CAPN8: variants seen among roughly 807,000 people sequenced by gnomAD.
CAPN8 encodes the protein calpain 8, also known as calpain-8.
A neutral mutation model predicts 80.9 loss-of-function variants in CAPN8; 87 were observed. The ratio of observed to expected loss-of-function variants is 1.07; its 90% CI spans 0.90 to 1.28. The LOEUF (loss-of-function observed/expected upper bound fraction) is 1.28, where lower values mean the gene tolerates loss of function less well. Ranked by LOEUF, CAPN8 falls within the 50% of genes most tolerant of loss-of-function variation. The pLI is 0.00. For missense variants in CAPN8, 757 were observed against 702.0 expected (o/e 1.08, Z -0.89); for synonymous variants, 299 against 273.8 (o/e 1.09, Z -0.91).
chr1:223,653,029 A>T (rs1043491245), intron 2 of CAPN8, among the ~76,000 whole-genome samples: 1 of 151,846 alleles, frequency 6.6e-6, no homozygotes, highest in African/African-American at 2.4e-5. Flanking sequence ...CAAAGTTAAA[A>T]CATCTCCAAC....
intron 2 of CAPN8, among the ~76,000 whole-genome samples, chr1:223,641,380 C>A (rs1033675095): frequency 6.7e-6 from 1 of 148,594 alleles, no homozygotes; most frequent in Non-Finnish European, 1.5e-5. Context: ...AAAAAAAAAA[C>A]TGTTTACTAA....
Position 223,628,080 on chromosome 1 carries a change from T to C in CAPN8, c.489A>G (p.Gly163=). 1 of 1,551,262 alleles carries C rather than the reference T, an allele frequency of 6.4e-7. No homozygotes were observed. Among genetic ancestry groups the C allele is most frequent in the Non-Finnish European group, 8.7e-7 (1 of 1,146,820 alleles). The change falls in exon 4 of 21, where the codon GGA becomes GGG. Residue 163 remains glycine (G), a synonymous_variant. Transcript: ENST00000366872. ...GTTCCGAGTGTAGGAAGAGCAGCTG[T>C]CCATTCTTGGTGGGCAGCCTGTCGT... The part of the protein sequence containing the change: ...VIDDRLPTKN[G]QLLFLHSEQG...
At chr1:223,620,046 A>G in intron 8 of CAPN8, 146 bp downstream of exon 8, 1 of 716,276 alleles carries the variant, frequency 1.4e-6, no homozygotes. Flanking sequence ...AGGTGGAATT[A>G]TACCAGGACA....
chr1:223,627,318 T>G (rs900507513), intron 4 of CAPN8, among the ~76,000 whole-genome samples, 161 bp from the exon 5 acceptor site: 1 of 152,342 alleles, frequency 6.6e-6, no homozygotes, highest in Middle Eastern at 3.4e-3. Flanking sequence ...GGCCACTGTT[T>G]CATGTGCCCA....
At chr1:223,656,806 C>T (rs1241446565) in intron 1 of CAPN8, among the ~76,000 whole-genome samples, 1 of 151,528 alleles carries the variant, frequency 6.6e-6, no homozygotes, top group African/African-American at 2.4e-5. Flanking sequence ...GCCTCAGCCT[C>T]CTGAGTAGCT....
At chr1:223,622,050 C>T (rs1291770940) in intron 7 of CAPN8, among the ~76,000 whole-genome samples, 1 of 152,112 alleles carries the variant, frequency 6.6e-6, no homozygotes, top group Admixed American at 6.5e-5. Flanking sequence ...AAGTGATCCA[C>T]CCGCCTAGGC....
chr1:223,626,515 A>G (rs899152554), intron 5 of CAPN8, among the ~76,000 whole-genome samples: 2 of 152,110 alleles, frequency 1.3e-5, no homozygotes, highest in African/African-American at 4.8e-5. Flanking sequence ...CTGTTTCCAC[A>G]GCCACCTTGG....
intron 2 of CAPN8, among the ~76,000 whole-genome samples, chr1:223,639,146 A>C (rs757353094): frequency 6.6e-6 from 1 of 152,190 alleles, no homozygotes; most frequent in African/African-American, 2.4e-5. Flanking sequence ...AGGCTGAGGC[A>C]GGAGAATTGC....
chr1:223,611,851 C>T (rs1325690469), intron 11 of CAPN8, among the ~76,000 whole-genome samples: 1 of 152,220 alleles, frequency 6.6e-6, no homozygotes, highest in African/African-American at 2.4e-5. Flanking sequence ...GCTAGCCAAG[C>T]TTGAAAACCC....
At chr1:223,544,583 C>A (rs1422034926) in intron 18 of CAPN8, among the ~76,000 whole-genome samples, 189 bp downstream of exon 18, 1 of 152,194 alleles carries the variant, frequency 6.6e-6, no homozygotes, top group Non-Finnish European at 1.5e-5. Flanking sequence ...AAATATTATG[C>A]TATATGGAAT....
At chr1:223,541,903 C>T (rs570583189) in intron 20 of CAPN8, 44 bp from the exon 21 acceptor site, 9 of 1,551,164 alleles carry the variant, frequency 5.8e-6, no homozygotes, top group East Asian at 4.9e-5. Context: ...TTCTCAGGGG[C>T]TGGTGTGCTT....
At position 223,544,784 on chromosome 1, in the gene CAPN8, G is replaced by A. The variant is rs545584317; in HGVS notation, c.1900C>T (p.Leu634Phe). 6.4e-7 allele frequency: 1 copy of A among 1,551,698 alleles called. No homozygotes were observed. Among genetic ancestry groups the A allele is most frequent in the African/African-American group, 1.4e-5 (1 of 73,162 alleles). ...TIDAHEMRTA[L>F]RKAGFTLNSQ... ...GATGTGTCCTCACCTGCCTTCCTGA[G>A]GGCTGTCCTCATCTCGTGGGCATCG... is the stretch of plus-strand genomic sequence containing the variant. The change falls in exon 18 of 21, where the codon CTC (leucine) becomes TTC (phenylalanine). Residue 634 changes from leucine (L) to phenylalanine (F), a missense_variant. Transcript: ENST00000366872.
chr1:223,557,929 A>T (rs1187994061), intron 13 of CAPN8, among the ~76,000 whole-genome samples: 1 of 152,216 alleles, frequency 6.6e-6, no homozygotes, highest in Non-Finnish European at 1.5e-5. Context: ...CCCAGGGGGT[A>T]GGGATATATT....
chr1:223,612,747 T>A (rs745685861), intron 10 of CAPN8, among the ~76,000 whole-genome samples: 2 of 152,176 alleles, frequency 1.3e-5, no homozygotes, highest in South Asian at 4.2e-4. Context: ...CTTACTTCTC[T>A]GGGATTTCTG....
At chr1:223,644,972 G>T (rs528745848) in intron 2 of CAPN8, among the ~76,000 whole-genome samples, 1 of 152,124 alleles carries the variant, frequency 6.6e-6, no homozygotes, top group African/African-American at 2.4e-5. Context: ...TGATTCACAC[G>T]GTCACAAGGT....
At chr1:223,622,088 G>A (rs929472036) in intron 7 of CAPN8, among the ~76,000 whole-genome samples, 9 of 152,144 alleles carry the variant, frequency 5.9e-5, no homozygotes, top group African/African-American at 2.2e-4. Context: ...TTACAGGCCT[G>A]AGCCACTGTA....
intron 2 of CAPN8, among the ~76,000 whole-genome samples, chr1:223,642,304 T>C (rs1386557126): frequency 6.6e-6 from 1 of 152,232 alleles, no homozygotes; most frequent in Non-Finnish European, 1.5e-5. Flanking sequence ...TTCTGAACAA[T>C]GGTAACGTGA....
At chr1:223,543,316 G>A (rs1280451215) in intron 19 of CAPN8, 150 bp from the exon 20 acceptor site, 1 of 920,664 alleles carries the variant, frequency 1.1e-6, no homozygotes, top group Non-Finnish European at 1.6e-6. Flanking sequence ...CTAGGCCCAG[G>A]GGCCTCAAAA....
At chr1:223,630,168 A>G (rs1657730981) in intron 2 of CAPN8, among the ~76,000 whole-genome samples, 1 of 152,140 alleles carries the variant, frequency 6.6e-6, no homozygotes, top group Admixed American at 6.5e-5. Context: ...CATCCTAGAA[A>G]GCCCTGGCCT....
Sources: gnomAD v4.1 joint callset for allele counts (sites outside exome capture counted in the v4.1 genomes callset) on GRCh38, gnomAD v4.1.1 for gene constraint, MANE v1.5 for transcripts, NCBI Gene and HGNC (gene_info 2026-07-23, HGNC 2026-07-21) for gene names.